Variants in NKAIN2 observed in about 807,000 individuals in gnomAD.
NKAIN2 encodes the protein sodium/potassium-transporting ATPase subunit beta-1-interacting protein 2.
Under a neutral mutation model 32.6 loss-of-function variants are expected in NKAIN2, and 14 were observed. That is an observed-to-expected ratio of 0.43 (90% CI 0.28 to 0.67). NKAIN2 has a LOEUF of 0.67. Among genes scored for constraint, NKAIN2 ranks in the 30% least tolerant of loss-of-function variants. The probability of loss-of-function intolerance (pLI) is 0.17; values close to 1 mark genes in which losing one functional copy is unlikely to be tolerated. For synonymous variants in NKAIN2, 80 were observed against 87.2 expected (o/e 0.92, Z 0.46); for missense variants, 198 against 258.3 (o/e 0.77, Z 1.60).
chr6:124,279,606 G>C (rs1356957897), intron 1 of NKAIN2, among the ~76,000 whole-genome samples: 1 of 151,144 alleles, frequency 6.6e-6, no homozygotes, highest in African/African-American at 2.4e-5. Context: ...GAAAAAGAGA[G>C]AAAAAGAAAT....
chr6:124,808,003 A>G (rs563718894), intron 5 of NKAIN2, among the ~76,000 whole-genome samples: 102 of 149,098 alleles, frequency 6.8e-4, no homozygotes, highest in African/African-American at 2.4e-3. Context: ...TAGCTTACCA[A>G]CCAAAAAGAG....
intron 1 of NKAIN2, among the ~76,000 whole-genome samples, chr6:124,241,348 C>T (rs1310088181): frequency 6.6e-6 from 1 of 152,134 alleles, no homozygotes; most frequent in Non-Finnish European, 1.5e-5. Context: ...ATGCTATTCC[C>T]ATCAAGCTAC....
chr6:123,965,256 G>A (rs1289428112), intron 1 of NKAIN2, among the ~76,000 whole-genome samples: 1 of 152,120 alleles, frequency 6.6e-6, no homozygotes, highest in Non-Finnish European at 1.5e-5. Context: ...CTGGACTCTG[G>A]TAACTCAAAT....
At chr6:123,948,597 A>ATTTTTTTTT (rs71021472) in intron 1 of NKAIN2, among the ~76,000 whole-genome samples, 57 of 49,328 alleles carry the variant, frequency 1.2e-3, no homozygotes, top group East Asian at 2.6e-3. Context: ...CTTAAATGGG[A>ATTTTTTTTT]TTTTTTTTTT....
intron 2 of NKAIN2, among the ~76,000 whole-genome samples, chr6:124,339,855 AAAGC>A (rs1249977205): frequency 6.6e-6 from 1 of 152,152 alleles, no homozygotes; most frequent in Non-Finnish European, 1.5e-5. Flanking sequence ...AGAGGGCCTT[AAAGC>A]AATAGAATAA....
intron 2 of NKAIN2, among the ~76,000 whole-genome samples, chr6:124,294,835 C>A (rs6942233): frequency 6.6e-6 from 1 of 152,042 alleles, no homozygotes. Flanking sequence ...CTACACCCCA[C>A]AGCTAAACTT....
chr6:124,102,620 A>G (rs1057234571), intron 1 of NKAIN2, among the ~76,000 whole-genome samples: 12 of 152,158 alleles, frequency 7.9e-5, no homozygotes, highest in Admixed American at 3.3e-4. Context: ...GCTCAAATGA[A>G]GTATGTGGCT....
Position 124,426,383 on chromosome 6 carries a change from G to C in NKAIN2, c.273+71036G>C, listed in dbSNP as rs571453182. ...TGTTCTTCAAAAGAAACTATTAAGA[G>C]AATGAAAATAAAATCCACAGGATAG... On this transcript the variant is annotated intron_variant, in intron 3 of 6. Transcript: ENST00000368417. 5.3e-5 allele frequency among the ~76,000 whole-genome samples: 8 copies of C among 152,170 alleles called. 1 individual carries two copies. In the South Asian group the frequency reaches 1.7e-3, roughly 32 times the overall value.
intron 1 of NKAIN2, among the ~76,000 whole-genome samples, chr6:124,005,088 G>T (rs2114721256): frequency 6.6e-6 from 1 of 152,070 alleles, no homozygotes; most frequent in South Asian, 2.1e-4. Flanking sequence ...AGCCACACGT[G>T]GTGGTGCACA....
At chr6:124,411,942 C>G (rs62436310) in intron 3 of NKAIN2, among the ~76,000 whole-genome samples, 11,774 of 152,170 alleles carry the variant, frequency 0.077, 591 homozygotes, top group African/African-American at 0.12. Context: ...TGTCTTCCAT[C>G]GCTGATACCC....
chr6:124,812,572 A>C (rs979334996), intron 5 of NKAIN2, among the ~76,000 whole-genome samples: 1 of 152,162 alleles, frequency 6.6e-6, no homozygotes, highest in Non-Finnish European at 1.5e-5. Context: ...CTGAGTGAGG[A>C]GAAAGAAATT....
chr6:124,336,846 G>A (rs973160317), intron 2 of NKAIN2, among the ~76,000 whole-genome samples: 2 of 151,644 alleles, frequency 1.3e-5, no homozygotes, highest in Non-Finnish European at 2.9e-5. Flanking sequence ...CTAATTTTTT[G>A]TATTTTAATA....
At chr6:123,919,170 T>G (rs1318070447) in intron 1 of NKAIN2, among the ~76,000 whole-genome samples, 1 of 152,138 alleles carries the variant, frequency 6.6e-6, no homozygotes, top group African/African-American at 2.4e-5. Flanking sequence ...TTGTGAATTG[T>G]GTGCTGTACA....
intron 3 of NKAIN2, among the ~76,000 whole-genome samples, chr6:124,568,699 T>C (rs1003554085): frequency 6.6e-6 from 1 of 151,720 alleles, no homozygotes; most frequent in African/African-American, 2.4e-5. Context: ...TGTAGGGTGG[T>C]CATCTAGTGG....
chr6:124,652,387 G>A lies in NKAIN2; in HGVS notation c.274-5799G>A, dbSNP rs140032145. On this transcript the variant is annotated intron_variant, in intron 3 of 6. Coordinates refer to ENST00000368417, the MANE Select transcript of NKAIN2 (RefSeq NM_001040214.3). ...CTTCTTCTGAGTTTTCACCAGAATC[G>A]TCTGTAATCCTCCATTTATAGCAAT... 7.4e-4 allele frequency among the ~76,000 whole-genome samples: 112 copies of A among 152,238 alleles called. 1 individual carries two copies. Among genetic ancestry groups the A allele is most frequent in the East Asian group, 3.9e-3 (20 of 5,186 alleles).
intron 1 of NKAIN2, among the ~76,000 whole-genome samples, chr6:123,884,054 A>G (rs1349613965): frequency 1.3e-5 from 2 of 151,904 alleles, no homozygotes; most frequent in Non-Finnish European, 2.9e-5. Context: ...TTATTTCATC[A>G]CCCAAGTATT....
intron 3 of NKAIN2, among the ~76,000 whole-genome samples, chr6:124,602,552 CA>C (rs891945201): frequency 2.0e-5 from 3 of 150,036 alleles, no homozygotes; most frequent in Admixed American, 6.6e-5. Context: ...GATGGGGGGA[CA>C]AAAAAAGAGA....
At chr6:124,049,281 G>A (rs1782289864) in intron 1 of NKAIN2, among the ~76,000 whole-genome samples, 1 of 151,976 alleles carries the variant, frequency 6.6e-6, no homozygotes, top group Non-Finnish European at 1.5e-5. Context: ...ATTATGAAAA[G>A]TAGGACTTTA....
At chr6:124,817,073 T>C (rs1781199063) in intron 5 of NKAIN2, among the ~76,000 whole-genome samples, 1 of 152,126 alleles carries the variant, frequency 6.6e-6, no homozygotes, top group South Asian at 2.1e-4. Flanking sequence ...GTCAGAAACC[T>C]GAGCTGAAAA....
Sources: allele counts gnomAD v4.1 joint callset (sites outside exome capture counted in the v4.1 genomes callset), GRCh38; gene constraint gnomAD v4.1.1; transcripts MANE v1.5; gene names NCBI Gene and HGNC (gene_info 2026-07-23, HGNC 2026-07-21).